ESF1: variants seen among roughly 807,000 people sequenced by gnomAD.
The protein encoded by ESF1 is ESF1 nucleolar pre-rRNA processing protein.
In ESF1, 58 loss-of-function variants were observed where a neutral mutation model predicts 92.0. That is an observed-to-expected ratio of 0.63 (90% CI 0.51 to 0.78). The LOEUF (loss-of-function observed/expected upper bound fraction) is 0.78. Among genes scored for constraint, ESF1 ranks in the 30% least tolerant of loss-of-function variants. ESF1 has a pLI of 0.00. For synonymous variants in ESF1, 321 were observed against 313.7 expected, an observed-to-expected ratio of 1.02 and a Z score of -0.24; for missense variants, 922 against 989.1, an observed-to-expected ratio of 0.93 and a Z score of 0.91.
Position 13,784,908 on chromosome 20 carries a change from G to T in ESF1, c.-72C>A, listed in dbSNP as rs986455236. The T allele has an allele frequency of 3.1e-6, 2 of 655,058 alleles. No homozygotes were observed. The highest frequency in any genetic ancestry group is 1.8e-5 in the African/African-American group (1 of 54,998). The allele number at this position is 655,058 out of a possible 1,614,324, so 40.6% of individuals were successfully genotyped here. On this transcript the variant is annotated 5_prime_UTR_variant, in exon 1 of 14. Transcript: ENST00000617257. Reference sequence around the variant, plus strand: ...CCGCAGTCCTACCAAGCCTCACGTGGGGCTCACACCCACAATCCTCCGCGT... The same window carrying T: ...CCGCAGTCCTACCAAGCCTCACGTGTGGCTCACACCCACAATCCTCCGCGT...
intron 9 of ESF1, among the ~76,000 whole-genome samples, chr20:13,744,703 A>G (rs758186074): frequency 8.5e-5 from 13 of 152,194 alleles, no homozygotes; most frequent in Non-Finnish European, 1.8e-4. Flanking sequence ...TCCTAGGATA[A>G]CACATGGTGA....
chr20:13,754,938 T>C (rs1376866749), intron 9 of ESF1, among the ~76,000 whole-genome samples: 1 of 152,228 alleles, frequency 6.6e-6, no homozygotes, highest in East Asian at 1.9e-4. Context: ...AAAGTATAGC[T>C]TCAAGGATAC....
chr20:13,759,734 CTTTCT>C lies in ESF1; in HGVS notation c.1781_1785del (p.Lys594ArgfsTer5), dbSNP rs768934677. On this transcript the variant is annotated frameshift_variant, in exon 9 of 14. Transcript: ENST00000617257. LOFTEE classifies it high-confidence loss of function. The stretch of plus-strand genomic sequence containing the variant: ...TCCATTTCCATATCATTTTCTTTGC[CTTTCT>C]TTTCTTTTTCTTGAATAACCTGCAA... 1.3e-6 allele frequency: 2 copies of C among 1,568,820 alleles called. No homozygotes were observed. The highest frequency in any genetic ancestry group is 1.7e-6 in the Non-Finnish European group (2 of 1,167,370).
intron 9 of ESF1, among the ~76,000 whole-genome samples, chr20:13,758,618 G>A (rs891862752): frequency 5.9e-5 from 9 of 152,140 alleles, no homozygotes; most frequent in Admixed American, 5.2e-4. Flanking sequence ...AATGGAATTG[G>A]TAACAGAACA....
intron 11 of ESF1, among the ~76,000 whole-genome samples, chr20:13,725,728 C>T (rs1184984190): frequency 6.6e-6 from 1 of 152,186 alleles, no homozygotes; most frequent in African/African-American, 2.4e-5. Context: ...CTGCTCTCTA[C>T]TCGCACTGCC....
intron 9 of ESF1, among the ~76,000 whole-genome samples, chr20:13,759,406 C>T (rs2041112095): frequency 6.6e-6 from 1 of 152,120 alleles, no homozygotes; most frequent in African/African-American, 2.4e-5. Context: ...AACTTTAGAA[C>T]ACGTGGTGCC....
intron 9 of ESF1, among the ~76,000 whole-genome samples, chr20:13,739,102 A>G (rs1448121489): frequency 6.6e-6 from 1 of 152,196 alleles, no homozygotes; most frequent in East Asian, 1.9e-4. Flanking sequence ...ATTGCTTCTT[A>G]TATAACCCTC....
chr20:13,736,930 CCAT>C (rs1288241623), intron 9 of ESF1, among the ~76,000 whole-genome samples: 1 of 152,122 alleles, frequency 6.6e-6, no homozygotes, highest in Non-Finnish European at 1.5e-5. Flanking sequence ...TCACACACCA[CCAT>C]GATAACTTAA....
chr20:13,716,744 G>A (rs1486683531), intron 13 of ESF1, among the ~76,000 whole-genome samples: 4 of 142,566 alleles, frequency 2.8e-5, no homozygotes, highest in Admixed American at 7.2e-5. Flanking sequence ...GGACTCAAGC[G>A]ATCCTCCCAC....
chr20:13,738,826 TATAA>T (rs201680336), intron 9 of ESF1, among the ~76,000 whole-genome samples: 2,528 of 152,270 alleles, frequency 0.017, 20 homozygotes, highest in Non-Finnish European at 0.024. Flanking sequence ...GCACGCACCT[TATAA>T]ATGTCTGCTG....
chr20:13,758,736 TAA>T (rs1198271030), intron 9 of ESF1, among the ~76,000 whole-genome samples: 1 of 152,174 alleles, frequency 6.6e-6, no homozygotes, highest in African/African-American at 2.4e-5. Flanking sequence ...TATCTGGTTT[TAA>T]AAGTTATACA....
intron 9 of ESF1, among the ~76,000 whole-genome samples, chr20:13,751,389 T>C (rs1978626738): frequency 6.6e-6 from 1 of 152,184 alleles, no homozygotes. Context: ...AGCTCACTTG[T>C]GGCAGATTGC....
chr20:13,770,175 T>G (rs908418048), intron 6 of ESF1, among the ~76,000 whole-genome samples, 154 bp from the exon 7 acceptor site: 2 of 152,262 alleles, frequency 1.3e-5, no homozygotes, highest in African/African-American at 4.8e-5. Flanking sequence ...TGTATATTTC[T>G]GAATGAATTC....
intron 10 of ESF1, among the ~76,000 whole-genome samples, chr20:13,728,746 A>G (rs1486296767): frequency 6.6e-6 from 1 of 151,966 alleles, no homozygotes; most frequent in Non-Finnish European, 1.5e-5. Flanking sequence ...GCATGCCTGT[A>G]GTCCCAGCTC....
rs772306853 is a variant in ESF1, at chr20:13,715,040, C to T, written c.2390G>A (p.Arg797Lys). 1.2e-6 allele frequency: 2 copies of T among 1,613,950 alleles called. No individual in the cohort carries two copies. Among genetic ancestry groups the T allele is most frequent in the South Asian group, 2.2e-5 (2 of 91,066 alleles). ...EKILEEKARQ[R>K]ERKEQELTQA... ...AGTAAGTTCTTGTTCTTTCCGTTCT[C>T]TTTGCCGGGCCTTCTCCTCAAGGAT... Residue 797 changes from arginine (R) to lysine (K), a missense_variant, in exon 14 of 14, where the codon AGA becomes AAA. Arg to Lys is a conservative substitution (Grantham distance 26, BLOSUM62 2). Transcript: ENST00000617257.
chr20:13,759,409 G>A (rs527389871), intron 9 of ESF1, among the ~76,000 whole-genome samples: 76 of 152,254 alleles, frequency 5.0e-4, no homozygotes, highest in Admixed American at 1.8e-3. Context: ...TTTAGAACAC[G>A]TGGTGCCTGG....
At chr20:13,783,700 A>C (rs1325396982) in intron 1 of ESF1, among the ~76,000 whole-genome samples, 1 of 152,220 alleles carries the variant, frequency 6.6e-6, no homozygotes. Flanking sequence ...CTGTAGTCCC[A>C]GCTACTTTGG....
chr20:13,720,275 G>C (rs2049858563), intron 11 of ESF1, among the ~76,000 whole-genome samples: 1 of 152,016 alleles, frequency 6.6e-6, no homozygotes, highest in Non-Finnish European at 1.5e-5. Context: ...CTACCCATGA[G>C]AGCCAAGTGT....
intron 7 of ESF1, among the ~76,000 whole-genome samples, chr20:13,768,673 G>T (rs781239054): frequency 2.0e-5 from 3 of 151,642 alleles, no homozygotes; most frequent in African/African-American, 4.8e-5. Flanking sequence ...GAGGGGGGCG[G>T]ATCATCTGAG....
Sources: allele counts gnomAD v4.1 joint callset (sites outside exome capture counted in the v4.1 genomes callset), GRCh38; gene constraint gnomAD v4.1.1; transcripts MANE v1.5; gene names NCBI Gene and HGNC (gene_info 2026-07-23, HGNC 2026-07-21).